Variants in FLI1 observed in about 807,000 individuals in gnomAD.
The protein encoded by FLI1 is Friend leukemia integration 1 transcription factor.
In FLI1, 13 loss-of-function variants were observed where a neutral mutation model predicts 53.1. That is an observed-to-expected ratio of 0.24 (90% confidence interval 0.16 to 0.39). The LOEUF (loss-of-function observed/expected upper bound fraction) is 0.39, where lower values mean the gene tolerates loss of function less well. Ranked by LOEUF, FLI1 falls within the 10% of genes least tolerant of loss-of-function variation. The probability of loss-of-function intolerance (pLI) is 1.00; values close to 1 mark genes in which losing one functional copy is unlikely to be tolerated. For missense variants in FLI1, 424 were observed against 600.5 expected (o/e 0.71, Z 3.07); for synonymous variants, 244 against 236.7 (o/e 1.03, Z -0.28).
At chr11:128,777,349 A>C (rs912590947) in intron 4 of FLI1, among the ~76,000 whole-genome samples, 2 of 152,156 alleles carry the variant, frequency 1.3e-5, no homozygotes, top group Admixed American at 1.3e-4. Context: ...TGGAAAAAAA[A>C]ACACTAAGAA....
intron 8 of FLI1, among the ~76,000 whole-genome samples, 188 bp downstream of exon 8, chr11:128,809,392 G>T (rs974503662): frequency 2.0e-5 from 3 of 152,212 alleles, no homozygotes; most frequent in Non-Finnish European, 2.9e-5. Flanking sequence ...AGGTGTCAAG[G>T]TTGGTTAGCT....
At chr11:128,695,032 C>T (rs912816540) in intron 1 of FLI1, among the ~76,000 whole-genome samples, 11 of 151,990 alleles carry the variant, frequency 7.2e-5, no homozygotes, top group Non-Finnish European at 1.6e-4. Flanking sequence ...CCTAGGCGTG[C>T]GCCGGCTCCA....
At position 128,809,172 on chromosome 11, in the gene FLI1, T is replaced by C; in HGVS notation, c.797T>C (p.Leu266Pro). 1 of 1,614,022 alleles carries C rather than the reference T, an allele frequency of 6.2e-7. No individual in the cohort carries two copies. The highest frequency in any genetic ancestry group is 8.5e-7 in the Non-Finnish European group (1 of 1,179,856). The change falls in exon 8 of 9, where the codon CTG becomes CCG. Residue 266 changes from leucine to proline, a missense_variant. Leu to Pro is a moderately conservative substitution (Grantham distance 98, BLOSUM62 -3). Transcript: ENST00000527786. ...ATTTCCTTAGATCCGTATCAGATCCTGGGCCCGACCAGCAGTCGCCTAGCC... is the reference window on the plus strand; with the variant it reads ...ATTTCCTTAGATCCGTATCAGATCCCGGGCCCGACCAGCAGTCGCCTAGCC... ...QRPQPDPYQI[L>P]GPTSSRLANP... is the part of the protein sequence containing the mutation.
intron 1 of FLI1, among the ~76,000 whole-genome samples, chr11:128,733,070 G>A (rs1939765865): frequency 6.6e-6 from 1 of 152,208 alleles, no homozygotes; most frequent in South Asian, 2.1e-4. Flanking sequence ...CTTTGCATCA[G>A]GACTTATCAG....
At chr11:128,809,294 C>T in intron 8 of FLI1, 90 bp downstream of exon 8, 2 of 1,077,914 alleles carry the variant, frequency 1.9e-6, no homozygotes, top group Non-Finnish European at 2.9e-6. Flanking sequence ...GTCCAGACAC[C>T]TGAGTGGGGA....
intron 5 of FLI1, among the ~76,000 whole-genome samples, chr11:128,791,133 C>T (rs1030703126): frequency 5.9e-5 from 9 of 152,104 alleles, no homozygotes; most frequent in African/African-American, 1.9e-4. Context: ...TCTGTGGGAC[C>T]GCTAGAGACA....
chr11:128,782,151 A>G, intron 5 of FLI1, 128 bp downstream of exon 5: 1 of 780,018 alleles, frequency 1.3e-6, no homozygotes, highest in Non-Finnish European at 2.0e-6. Flanking sequence ...ATACAAAGAC[A>G]AGCCAAAATT....
chr11:128,753,010 C>T (rs1262832864), intron 1 of FLI1, among the ~76,000 whole-genome samples: 2 of 152,148 alleles, frequency 1.3e-5, no homozygotes, highest in East Asian at 1.9e-4. Flanking sequence ...GCTCAGATGC[C>T]ACCCCAAGCA....
At chr11:128,716,370 TG>T (rs1939014353) in intron 1 of FLI1, among the ~76,000 whole-genome samples, 1 of 151,382 alleles carries the variant, frequency 6.6e-6, no homozygotes, top group African/African-American at 2.4e-5. Context: ...GAGCTGGGGG[TG>T]GGGGTGCTGT....
chr11:128,805,008 A>G (rs1942738708), intron 5 of FLI1: 1 of 191,570 alleles, frequency 5.2e-6, no homozygotes, highest in Non-Finnish European at 1.1e-5. Flanking sequence ...ACAACCCCAT[A>G]AGGTAGATAA....
chr11:128,759,490 A>G (rs1941027648), intron 2 of FLI1, among the ~76,000 whole-genome samples: 2 of 152,224 alleles, frequency 1.3e-5, no homozygotes, highest in Non-Finnish European at 2.9e-5. Flanking sequence ...GAAATAATGA[A>G]GTTCGGAACT....
intron 5 of FLI1, among the ~76,000 whole-genome samples, chr11:128,786,181 G>C (rs1942073946): frequency 6.6e-6 from 1 of 152,188 alleles, no homozygotes; most frequent in African/African-American, 2.4e-5. Context: ...AGAGAAGCCT[G>C]CTTTATAGAA....
intron 5 of FLI1, among the ~76,000 whole-genome samples, chr11:128,787,309 T>C (rs1293507076): frequency 6.6e-6 from 1 of 152,156 alleles, no homozygotes; most frequent in Non-Finnish European, 1.5e-5. Flanking sequence ...CCCCCTTCTA[T>C]AGATAATGAA....
chr11:128,796,672 C>T (rs367855141), intron 5 of FLI1, among the ~76,000 whole-genome samples: 51 of 152,304 alleles, frequency 3.3e-4, no homozygotes, highest in African/African-American at 1.1e-3. Context: ...CCTGCCAGGC[C>T]ACAAAAGAAG....
chr11:128,783,324 G>A (rs1261841875), intron 5 of FLI1, among the ~76,000 whole-genome samples: 3 of 152,248 alleles, frequency 2.0e-5, no homozygotes, highest in African/African-American at 7.2e-5. Flanking sequence ...TGATCACACA[G>A]CACTTTGTGT....
At chr11:128,736,613 C>T (rs3016776) in intron 1 of FLI1, among the ~76,000 whole-genome samples, 62,984 of 151,970 alleles carry the variant, frequency 0.41, 13,579 homozygotes, top group Non-Finnish European at 0.47. Context: ...AAAACAGAAG[C>T]CTAAGCTGAC....
In FLI1 at chr11:128,768,550, G is replaced by T. The variant is rs959803365; in HGVS notation, c.385+278G>T. The T allele has an allele frequency of 3.6e-5, 15 of 421,374 alleles. No homozygotes were observed. In the East Asian group the frequency reaches 6.4e-4, roughly 18 times the overall value. The allele number at this position is 421,374 out of a possible 1,614,324, so 26.1% of individuals were successfully genotyped here. ...AAAAAAATACAAAAATTAGCCAGGT[G>T]TGGTAGTGGACGCTTATATTCCCAG... On this transcript the variant is annotated intron_variant, in intron 3 of 8. Transcript: ENST00000527786.
rs576784123 is a variant in FLI1 at position 128,788,338 on chromosome 11, A to G, written c.655+6315A>G. Among the ~76,000 whole-genome samples, 461 of 152,090 alleles carry G rather than the reference A, an allele frequency of 3.0e-3. 11 individuals are homozygous for G. The highest frequency in any genetic ancestry group is 6.9e-3 in the South Asian group (33 of 4,814). On this transcript the variant is annotated intron_variant, in intron 5 of 8. Coordinates refer to ENST00000527786, the MANE Select transcript of FLI1 (RefSeq NM_002017.5). Reference sequence around the variant, plus strand: ...TAAAAAATTAGTCAGGTGTGGTGGCATGTGCCTGTAGTCCCAGCTACCCGG... The same window carrying G: ...TAAAAAATTAGTCAGGTGTGGTGGCGTGTGCCTGTAGTCCCAGCTACCCGG...
At chr11:128,732,447 G>T (rs1939738894) in intron 1 of FLI1, among the ~76,000 whole-genome samples, 1 of 152,226 alleles carries the variant, frequency 6.6e-6, no homozygotes, top group Non-Finnish European at 1.5e-5. Flanking sequence ...GCCAGGCATT[G>T]TGCTAAGTCC....
Sources: gnomAD v4.1 joint callset for allele counts (sites outside exome capture counted in the v4.1 genomes callset) on GRCh38, gnomAD v4.1.1 for gene constraint, MANE v1.5 for transcripts, NCBI Gene and HGNC (gene_info 2026-07-23, HGNC 2026-07-21) for gene names.